SAMD4A: variants seen among roughly 807,000 people sequenced by gnomAD.
SAMD4A encodes sterile alpha motif domain containing 4A.
In SAMD4A, 33 loss-of-function variants were observed where a neutral mutation model predicts 81.3. The observed-to-expected ratio is 0.41, with a 90% CI of 0.31 to 0.54. The LOEUF (loss-of-function observed/expected upper bound fraction) is 0.54. SAMD4A is among the 20% of genes least tolerant of loss of function. SAMD4A has a pLI of 0.37. For missense variants in SAMD4A, 854 were observed against 951.1 expected (o/e 0.90, Z 1.34); for synonymous variants, 389 against 382.1 (o/e 1.02, Z -0.21).
intron 9 of SAMD4A, among the ~76,000 whole-genome samples, chr14:54,771,065 G>A (rs980479406): frequency 5.3e-5 from 8 of 152,076 alleles, no homozygotes; most frequent in African/African-American, 1.2e-4. Flanking sequence ...CTCTCTGCCC[G>A]TGGTGTTAAA....
chr14:54,680,856 C>A (rs1173611303), intron 2 of SAMD4A, among the ~76,000 whole-genome samples: 1 of 152,186 alleles, frequency 6.6e-6, no homozygotes, highest in Non-Finnish European at 1.5e-5. Flanking sequence ...TCTCCCCTCA[C>A]TCGACACACC....
chr14:54,760,331 C>T lies in SAMD4A; in HGVS notation c.1347C>T (p.Asp449=), dbSNP rs1357826231. 6.2e-7 allele frequency: 1 copy of T among 1,604,354 alleles called. No homozygotes were observed. Among genetic ancestry groups the T allele is most frequent in the Non-Finnish European group, 8.5e-7 (1 of 1,177,870 alleles). Residue 449 remains aspartate (D), a synonymous_variant, in exon 7 of 13, where the codon GAC becomes GAT. Transcript: ENST00000554335. The part of the protein sequence containing the change: ...SLMGPESQSP[D]CKDGAAATGA... ...TGGGCCCCGAGAGCCAGAGCCCCGA[C>T]TGCAAAGATGGGGCCGCAGCCACTG...
chr14:54,645,858 A>G (rs2035276057), intron 2 of SAMD4A, among the ~76,000 whole-genome samples: 1 of 152,240 alleles, frequency 6.6e-6, no homozygotes, highest in African/African-American at 2.4e-5. Context: ...GGTTGCCTGT[A>G]TCTTTCCTTG....
At chr14:54,576,034 TTTTTG>T (rs2033286104) in intron 2 of SAMD4A, among the ~76,000 whole-genome samples, 2 of 60,114 alleles carry the variant, frequency 3.3e-5, no homozygotes, top group Non-Finnish European at 7.1e-5. Flanking sequence ...TTTTTTTTTT[TTTTTG>T]CTGATGCTAT....
intron 4 of SAMD4A, among the ~76,000 whole-genome samples, chr14:54,741,218 T>C (rs1011170867): frequency 1.6e-4 from 25 of 152,244 alleles, no homozygotes; most frequent in African/African-American, 6.0e-4. Flanking sequence ...CTCTGTTGCC[T>C]CTTGTCTCAT....
At chr14:54,722,290 T>C (rs1419719558) in intron 3 of SAMD4A, among the ~76,000 whole-genome samples, 1 of 152,054 alleles carries the variant, frequency 6.6e-6, no homozygotes, top group East Asian at 1.9e-4. Context: ...ACCTGGAAAA[T>C]CCCAGCCCAG....
intron 2 of SAMD4A, among the ~76,000 whole-genome samples, chr14:54,608,849 G>A (rs1019816956): frequency 6.6e-6 from 1 of 152,186 alleles, no homozygotes; most frequent in African/African-American, 2.4e-5. Context: ...CCACTTTAAA[G>A]GTGAGGGCGT....
intron 2 of SAMD4A, among the ~76,000 whole-genome samples, chr14:54,657,094 G>A (rs1403660323): frequency 2.6e-5 from 4 of 151,988 alleles, no homozygotes; most frequent in Admixed American, 6.5e-5. Context: ...CATCTTATCT[G>A]TAGATATGTC....
intron 4 of SAMD4A, among the ~76,000 whole-genome samples, chr14:54,738,577 C>T (rs958960478): frequency 3.3e-5 from 5 of 152,144 alleles, no homozygotes; most frequent in Admixed American, 1.3e-4. Context: ...CACTTGGGTA[C>T]GAAGGGGATG....
chr14:54,592,646 A>C (rs1240182081), intron 2 of SAMD4A, among the ~76,000 whole-genome samples: 1 of 152,090 alleles, frequency 6.6e-6, no homozygotes, highest in Non-Finnish European at 1.5e-5. Flanking sequence ...TTTTTAGTAG[A>C]GATGGGGTTT....
At chr14:54,788,547 G>C (rs1254760624) in intron 12 of SAMD4A, among the ~76,000 whole-genome samples, 1 of 152,088 alleles carries the variant, frequency 6.6e-6, no homozygotes, top group Non-Finnish European at 1.5e-5. Context: ...TGACTTCCCA[G>C]GCCAACCGGG....
At chr14:54,652,671 C>G (rs185856393) in intron 2 of SAMD4A, 1 of 151,544 alleles carries the variant, frequency 6.6e-6, no homozygotes, top group African/African-American at 2.4e-5. Context: ...GGTTACAGAC[C>G]CTTTGTGCAG....
intron 2 of SAMD4A, among the ~76,000 whole-genome samples, chr14:54,640,774 C>A (rs1179530764): frequency 1.3e-5 from 2 of 152,098 alleles, no homozygotes; most frequent in African/African-American, 4.8e-5. Context: ...GATTAGTGTG[C>A]CTGGTGCACT....
At chr14:54,779,192 C>T (rs984297689) in intron 11 of SAMD4A, among the ~76,000 whole-genome samples, 1 of 152,162 alleles carries the variant, frequency 6.6e-6, no homozygotes, top group Admixed American at 6.5e-5. Context: ...GGAGACTTCC[C>T]GGGGCTTGTG....
intron 8 of SAMD4A, among the ~76,000 whole-genome samples, chr14:54,766,127 G>A (rs2038535638): frequency 6.6e-6 from 1 of 152,080 alleles, no homozygotes; most frequent in African/African-American, 2.4e-5. Flanking sequence ...CCCAGGCATT[G>A]TCAAAAGCCC....
chr14:54,783,706 A>G (rs1037065542), intron 11 of SAMD4A, among the ~76,000 whole-genome samples: 12 of 152,166 alleles, frequency 7.9e-5, no homozygotes, highest in Non-Finnish European at 1.3e-4. Flanking sequence ...TAGTTGGCTA[A>G]CTTTGATGAG....
chr14:54,683,402 G>A (rs1465905942), intron 2 of SAMD4A, among the ~76,000 whole-genome samples: 1 of 152,190 alleles, frequency 6.6e-6, no homozygotes, highest in South Asian at 2.1e-4. Flanking sequence ...TTCCAAGAAA[G>A]ATTGAGGAAA....
chr14:54,675,312 G>C (rs1214662379), intron 2 of SAMD4A, among the ~76,000 whole-genome samples: 2 of 140,750 alleles, frequency 1.4e-5, no homozygotes, highest in Non-Finnish European at 3.0e-5. Flanking sequence ...GTTGCAGTGA[G>C]CCGAGATTGT....
chr14:54,695,093 T>C (rs2036543609), intron 2 of SAMD4A, among the ~76,000 whole-genome samples: 1 of 152,220 alleles, frequency 6.6e-6, no homozygotes, highest in Non-Finnish European at 1.5e-5. Flanking sequence ...ATGCCTGCCT[T>C]TTCTAGTGAA....
Sources: allele counts gnomAD v4.1 joint callset (sites outside exome capture counted in the v4.1 genomes callset), GRCh38; gene constraint gnomAD v4.1.1; transcripts MANE v1.5; gene names NCBI Gene and HGNC (gene_info 2026-07-23, HGNC 2026-07-21).